C12orf75: variants seen among roughly 807,000 people sequenced by gnomAD.
The protein encoded by C12orf75 is chromosome 12 open reading frame 75.
A neutral mutation model predicts 11.4 loss-of-function variants in C12orf75; 4 were observed. The ratio of observed to expected loss-of-function variants is 0.35; its 90% CI spans 0.17 to 0.80. The LOEUF is 0.80. Ranked by LOEUF, C12orf75 falls within the 30% of genes least tolerant of loss-of-function variation. The pLI, the probability that C12orf75 is intolerant of heterozygous loss-of-function variation, is 0.52. For synonymous variants in C12orf75, 30 were observed against 30.0 expected, an observed-to-expected ratio of 1.00 and a Z score of 0.00; for missense variants, 89 against 80.4, an observed-to-expected ratio of 1.11 and a Z score of -0.41.
intron 2 of C12orf75, among the ~76,000 whole-genome samples, chr12:105,359,573 C>G (rs1372403374): frequency 6.6e-6 from 1 of 151,950 alleles, no homozygotes; most frequent in South Asian, 2.1e-4. Context: ...GAGTTCAAGA[C>G]CAGCCTGGCC....
chr12:105,356,858 C>A (rs977606325), intron 2 of C12orf75, among the ~76,000 whole-genome samples: 6 of 152,128 alleles, frequency 3.9e-5, no homozygotes, highest in African/African-American at 4.8e-5. Flanking sequence ...AATAAGGTTT[C>A]ACTTAATGAA....
intron 4 of C12orf75, among the ~76,000 whole-genome samples, chr12:105,367,173 T>G (rs7131942): frequency 0.22 from 33,820 of 152,140 alleles, 4,131 homozygotes; most frequent in African/African-American, 0.29. Context: ...CTGATAGATA[T>G]CTTCTTGCTC....
chr12:105,349,110 T>C (rs1048878011), intron 2 of C12orf75, among the ~76,000 whole-genome samples: 1 of 152,218 alleles, frequency 6.6e-6, no homozygotes, highest in Non-Finnish European at 1.5e-5. Flanking sequence ...GAGCTATCTT[T>C]AGAGCACAGG....
chr12:105,347,772 A>G (rs1471506062), intron 1 of C12orf75, among the ~76,000 whole-genome samples: 4 of 152,228 alleles, frequency 2.6e-5, no homozygotes, highest in African/African-American at 9.6e-5. Flanking sequence ...AGTATTAACC[A>G]TCACAGATGG....
intron 1 of C12orf75, 66 bp from the exon 2 acceptor site, chr12:105,348,536 T>TA: frequency 9.0e-7 from 1 of 1,110,882 alleles, no homozygotes; most frequent in Non-Finnish European, 1.3e-6. Context: ...TTTAATTAGG[T>TA]ATTAGACAAC....
intron 1 of C12orf75, among the ~76,000 whole-genome samples, chr12:105,336,682 A>G (rs962756602): frequency 9.2e-5 from 14 of 152,196 alleles, no homozygotes; most frequent in African/African-American, 3.4e-4. Flanking sequence ...CGTGGAAGAC[A>G]GTTGAGCTAA....
At chr12:105,367,686 A>G (rs143283187) in intron 5 of C12orf75, among the ~76,000 whole-genome samples, 177 bp downstream of exon 5, 4 of 152,176 alleles carry the variant, frequency 2.6e-5, no homozygotes, top group Non-Finnish European at 4.4e-5. Flanking sequence ...AATCAGATCA[A>G]TTTTCTTTCA....
At chr12:105,356,667 T>A (rs1892785958) in intron 2 of C12orf75, among the ~76,000 whole-genome samples, 1 of 152,156 alleles carries the variant, frequency 6.6e-6, no homozygotes, top group African/African-American at 2.4e-5. Flanking sequence ...TATCTCATAT[T>A]TGTCATCTGT....
intron 1 of C12orf75, among the ~76,000 whole-genome samples, chr12:105,331,784 T>A (rs780849389): frequency 3.3e-5 from 5 of 152,174 alleles, no homozygotes; most frequent in Non-Finnish European, 7.3e-5. Flanking sequence ...TGGATCTGTT[T>A]TGAGTAATAA....
Position 105,345,654 on chromosome 12 carries a change from C to G in C12orf75, c.47-2948C>G, listed in dbSNP as rs541601535. Among the ~76,000 whole-genome samples, 8 of 78,436 alleles carry G rather than the reference C, an allele frequency of 1.0e-4. No individual in the cohort carries two copies. The East Asian group carries it at 4.9e-3, about 48-fold the overall frequency. The allele number at this position is 78,436 out of a possible 152,430, so 51.5% of individuals were successfully genotyped here. On this transcript the variant is annotated intron_variant, in intron 1 of 5. Transcript: ENST00000443585. ...CTTTTTCCTGATCTTGAATTAGTGT[C>G]TGGCCTTTTTTTTTTTTTTTTTTTT...
At chr12:105,359,880 A>G (rs144961439) in intron 2 of C12orf75, among the ~76,000 whole-genome samples, 1 of 151,958 alleles carries the variant, frequency 6.6e-6, no homozygotes, top group East Asian at 1.9e-4. Flanking sequence ...GTTTAAACTG[A>G]GTTTGTAGAG....
intron 2 of C12orf75, among the ~76,000 whole-genome samples, chr12:105,356,438 GCTTTTTT>G (rs1892781420): frequency 2.4e-5 from 2 of 83,104 alleles, no homozygotes; most frequent in Admixed American, 1.2e-4. Context: ...AAGACTACAG[GCTTTTTT>G]TTTTTTTTTT....
chr12:105,352,450 A>T (rs567682287), intron 2 of C12orf75, among the ~76,000 whole-genome samples: 1 of 152,212 alleles, frequency 6.6e-6, no homozygotes, highest in African/African-American at 2.4e-5. Flanking sequence ...GGAAATTTGG[A>T]AAGTACAGGA....
At chr12:105,333,658 G>C (rs962088130) in intron 1 of C12orf75, among the ~76,000 whole-genome samples, 6 of 152,014 alleles carry the variant, frequency 3.9e-5, no homozygotes, top group Non-Finnish European at 8.8e-5. Context: ...TTGAATTTTG[G>C]TTTCTTTGTT....
intron 1 of C12orf75, among the ~76,000 whole-genome samples, chr12:105,341,854 C>G (rs1010321484): frequency 2.0e-5 from 3 of 152,288 alleles, no homozygotes; most frequent in Middle Eastern, 6.8e-3. Flanking sequence ...GGGTGGTTCC[C>G]CCATACTGTT....
intron 2 of C12orf75, among the ~76,000 whole-genome samples, chr12:105,351,217 T>A: frequency 6.6e-6 from 1 of 152,330 alleles, no homozygotes; most frequent in Middle Eastern, 3.4e-3. Context: ...ATTTTTTTAT[T>A]ATGCACATTA....
chr12:105,336,850 GA>G (rs540891142), intron 1 of C12orf75, among the ~76,000 whole-genome samples: 113 of 152,334 alleles, frequency 7.4e-4, no homozygotes, highest in African/African-American at 2.4e-3. Flanking sequence ...AAGTGATGAT[GA>G]ATAAAGAGAG....
At chr12:105,338,406 T>G (rs1892522590) in intron 1 of C12orf75, among the ~76,000 whole-genome samples, 2 of 152,200 alleles carry the variant, frequency 1.3e-5, no homozygotes, top group South Asian at 4.1e-4. Context: ...ATTCCAGACC[T>G]CAGGTGATCC....
intron 2 of C12orf75, among the ~76,000 whole-genome samples, chr12:105,353,214 C>T (rs1431387949): frequency 6.6e-6 from 1 of 152,236 alleles, no homozygotes; most frequent in African/African-American, 2.4e-5. Flanking sequence ...GATCAAACAA[C>T]AGGAAGAAAT....
Sources: gnomAD v4.1 joint callset for allele counts (sites outside exome capture counted in the v4.1 genomes callset) on GRCh38, gnomAD v4.1.1 for gene constraint, MANE v1.5 for transcripts, NCBI Gene and HGNC (gene_info 2026-07-23, HGNC 2026-07-21) for gene names.